SYT9: variants seen among roughly 807,000 people sequenced by gnomAD.
SYT9 encodes synaptotagmin-9.
SYT9 carries 22 observed loss-of-function variants against 48.4 expected under a neutral mutation model. The ratio of observed to expected loss-of-function variants is 0.45; its 90% CI spans 0.32 to 0.65. SYT9 has a LOEUF of 0.65. Among genes scored for constraint, SYT9 ranks in the 30% least tolerant of loss-of-function variants. SYT9 has a pLI of 0.03. For missense variants in SYT9, 577 were observed against 622.0 expected (o/e 0.93, Z 0.77); for synonymous variants, 265 against 245.0 (o/e 1.08, Z -0.76).
At chr11:7,290,857 T>G (rs1355312582) in intron 1 of SYT9, among the ~76,000 whole-genome samples, 1 of 152,160 alleles carries the variant, frequency 6.6e-6, no homozygotes, top group East Asian at 1.9e-4. Flanking sequence ...TGAGTCCCAG[T>G]GGAAACGGGT....
At chr11:7,264,703 T>C (rs951358814) in intron 1 of SYT9, among the ~76,000 whole-genome samples, 3 of 152,012 alleles carry the variant, frequency 2.0e-5, no homozygotes, top group Non-Finnish European at 4.4e-5. Flanking sequence ...CAGGACATGA[T>C]CATGAGAGGC....
At chr11:7,329,004 T>G (rs1207340937) in intron 3 of SYT9, among the ~76,000 whole-genome samples, 1 of 152,186 alleles carries the variant, frequency 6.6e-6, no homozygotes, top group Non-Finnish European at 1.5e-5. Context: ...GAAATTTGAT[T>G]ATAGTATGAA....
intron 6 of SYT9, chr11:7,438,914 G>A (rs1847768499): frequency 6.6e-6 from 1 of 152,236 alleles, no homozygotes; most frequent in Non-Finnish European, 1.5e-5. Context: ...TTCCTGCTAA[G>A]TCCTCTCCTC....
intron 3 of SYT9, among the ~76,000 whole-genome samples, chr11:7,399,458 A>C (rs1237004971): frequency 6.6e-6 from 1 of 152,244 alleles, no homozygotes; most frequent in Non-Finnish European, 1.5e-5. Flanking sequence ...AATTGAGGGG[A>C]ATTATGAATA....
chr11:7,373,234 T>G (rs1231541172), intron 3 of SYT9, among the ~76,000 whole-genome samples: 1 of 152,140 alleles, frequency 6.6e-6, no homozygotes, highest in Non-Finnish European at 1.5e-5. Flanking sequence ...GCTTCCTTGT[T>G]TTGTGCATCT....
intron 3 of SYT9, among the ~76,000 whole-genome samples, chr11:7,384,631 A>T (rs1162465110): frequency 6.6e-6 from 1 of 152,162 alleles, no homozygotes; most frequent in Admixed American, 6.5e-5. Context: ...GATGGCCCTG[A>T]TCTCCCCAGA....
At chr11:7,441,219 T>C (rs941448790) in intron 6 of SYT9, 2 of 152,154 alleles carry the variant, frequency 1.3e-5, no homozygotes, top group African/African-American at 4.8e-5. Flanking sequence ...TTGATACACA[T>C]ATTGTGGGCA....
chr11:7,310,296 G>A (rs981035798), intron 2 of SYT9, among the ~76,000 whole-genome samples: 4 of 151,690 alleles, frequency 2.6e-5, no homozygotes, highest in Admixed American at 2.0e-4. Flanking sequence ...ACTATGCCTG[G>A]CTAATTTTTG....
At chr11:7,366,598 A>T (rs538874346) in intron 3 of SYT9, among the ~76,000 whole-genome samples, 26 of 152,174 alleles carry the variant, frequency 1.7e-4, no homozygotes, top group Non-Finnish European at 2.8e-4. Context: ...CCTGGTTATT[A>T]TTATTCCATT....
intron 3 of SYT9, among the ~76,000 whole-genome samples, chr11:7,389,547 T>C (rs1282504342): frequency 2.6e-5 from 4 of 152,160 alleles, no homozygotes; most frequent in African/African-American, 4.8e-5. Flanking sequence ...GCTTTAACCA[T>C]TCAGTTATAA....
chr11:7,458,430 G>A (rs1374655289), intron 6 of SYT9, among the ~76,000 whole-genome samples: 3 of 152,146 alleles, frequency 2.0e-5, no homozygotes, highest in East Asian at 1.9e-4. Context: ...GCAGTGAGCC[G>A]AGATCATGCT....
chr11:7,247,039 G>T (rs2119732041), upstream of SYT9, among the ~76,000 whole-genome samples: 1 of 152,296 alleles, frequency 6.6e-6, no homozygotes, highest in South Asian at 2.1e-4. Flanking sequence ...GCAGAGAGCT[G>T]CCTTCTCACT....
intron 1 of SYT9, among the ~76,000 whole-genome samples, chr11:7,257,169 C>T (rs1426310114): frequency 6.6e-6 from 1 of 152,122 alleles, no homozygotes; most frequent in East Asian, 1.9e-4. Context: ...AGAATGCATC[C>T]GCCTAACCCT....
chr11:7,335,095 A>G (rs78252277), intron 3 of SYT9, among the ~76,000 whole-genome samples: 1 of 152,196 alleles, frequency 6.6e-6, no homozygotes, highest in African/African-American at 2.4e-5. Flanking sequence ...TACACCAGCT[A>G]TGAACTGTGA....
At chr11:7,380,529 T>G (rs980564473) in intron 3 of SYT9, among the ~76,000 whole-genome samples, 1 of 152,152 alleles carries the variant, frequency 6.6e-6, no homozygotes, top group African/African-American at 2.4e-5. Flanking sequence ...ATTGCATTCC[T>G]GTATCAAAAC....
At chr11:7,386,604 G>T (rs1205801756) in intron 3 of SYT9, among the ~76,000 whole-genome samples, 12 of 152,160 alleles carry the variant, frequency 7.9e-5, no homozygotes, top group Middle Eastern at 3.2e-3. Flanking sequence ...TGAGATACCA[G>T]CTCACACCAG....
At chr11:7,383,321 G>T (rs1288927216) in intron 3 of SYT9, among the ~76,000 whole-genome samples, 1 of 152,194 alleles carries the variant, frequency 6.6e-6, no homozygotes, top group Admixed American at 6.5e-5. Flanking sequence ...GGATTTCTCA[G>T]TTAGCCAGTA....
intron 6 of SYT9, chr11:7,454,078 G>T (rs568127512): frequency 6.1e-6 from 6 of 985,316 alleles, no homozygotes; most frequent in Admixed American, 1.2e-4. Context: ...CAGGTGAGTC[G>T]CCCCTTTTCT....
At chr11:7,411,918 T>C (rs1847142632) in intron 3 of SYT9, among the ~76,000 whole-genome samples, 3 of 152,226 alleles carry the variant, frequency 2.0e-5, no homozygotes, top group Admixed American at 2.0e-4. Flanking sequence ...TATTTATTTT[T>C]GTCTGACTGG....
Sources: gnomAD v4.1 joint callset for allele counts (sites outside exome capture counted in the v4.1 genomes callset) on GRCh38, gnomAD v4.1.1 for gene constraint, MANE v1.5 for transcripts, NCBI Gene and HGNC (gene_info 2026-07-23, HGNC 2026-07-21) for gene names.